SCNN1G: variants seen among roughly 807,000 people sequenced by gnomAD.
SCNN1G encodes sodium channel epithelial 1 subunit gamma, also known as epithelial sodium channel subunit gamma.
A neutral mutation model predicts 64.6 loss-of-function variants in SCNN1G; 27 were observed. That is an observed-to-expected ratio of 0.42 (90% CI 0.31 to 0.58). The LOEUF is 0.58. Among genes scored for constraint, SCNN1G ranks in the 20% least tolerant of loss-of-function variants. The pLI is 0.18. For synonymous variants in SCNN1G, 330 were observed against 314.2 expected (o/e 1.05, Z -0.53); for missense variants, 743 against 823.4 (o/e 0.90, Z 1.19).
chr16:23,197,470 T>A (rs756016849), intron 6 of SCNN1G, 43 bp downstream of exon 6: 24 of 1,570,264 alleles, frequency 1.5e-5, no homozygotes, highest in Admixed American at 1.5e-4. Context: ...AGAGAACAGA[T>A]CTTTTTTTTT....
chr16:23,213,044 G>C (rs1960105753), intron 10 of SCNN1G, 58 bp from the exon 11 acceptor site: 1 of 1,553,126 alleles, frequency 6.4e-7, no homozygotes. Flanking sequence ...CCTGAGGCGG[G>C]AGGCTGGCCC....
chr16:23,210,846 A>G (rs1960067392), intron 7 of SCNN1G, among the ~76,000 whole-genome samples: 1 of 152,136 alleles, frequency 6.6e-6, no homozygotes, highest in African/African-American at 2.4e-5. Flanking sequence ...AGCCTGGGCA[A>G]CATAGCAAGA....
intron 1 of SCNN1G, among the ~76,000 whole-genome samples, chr16:23,183,878 C>T (rs984924774): frequency 6.6e-6 from 1 of 152,162 alleles, no homozygotes; most frequent in Non-Finnish European, 1.5e-5. Flanking sequence ...GTGCAAATCC[C>T]AGCTCAGCCA....
chr16:23,208,634 G>T (rs76364026), intron 6 of SCNN1G, among the ~76,000 whole-genome samples: 2 of 90,750 alleles, frequency 2.2e-5, no homozygotes, highest in Admixed American at 1.4e-4. Context: ...TTCCCTTCCC[G>T]CCCTTCCTTC....
chr16:23,185,426 G>A (rs145894332), intron 1 of SCNN1G, among the ~76,000 whole-genome samples: 63 of 152,262 alleles, frequency 4.1e-4, no homozygotes, highest in African/African-American at 1.4e-3. Context: ...GCACATTGAT[G>A]AATGTGATAA....
Position 23,215,451 on chromosome 16 carries a change from G to C in SCNN1G, c.1932G>C (p.Gln644His). The change falls in exon 13 of 13, where the codon CAG becomes CAC. Residue 644 changes from glutamine (Q) to histidine (H), a missense_variant. By Grantham distance (24) the Gln-to-His change is conservative (BLOSUM62 0). Transcript: ENST00000300061. ...RAFSNQLTDT[Q>H]MLDEL is the part of the protein sequence containing the mutation. The stretch of plus-strand genomic sequence containing the variant: ...TTTCCAACCAGCTCACAGATACCCA[G>C]ATGCTGGATGAGCTCTGAGGCAGGG... The C allele has an allele frequency of 1.2e-6, 2 of 1,611,250 alleles. No individual in the cohort carries two copies. The highest frequency in any genetic ancestry group is 8.5e-7 in the Non-Finnish European group (1 of 1,180,028).
rs537079366 is a variant in SCNN1G, at chr16:23,214,150, A to G, written c.1494-562A>G. Among the ~76,000 whole-genome samples, 388 of 152,356 alleles carry G rather than the reference A, an allele frequency of 2.5e-3. 1 individual carries two copies. Among genetic ancestry groups the G allele is most frequent in the Non-Finnish European group, 3.4e-3 (232 of 68,038 alleles). On this transcript the variant is annotated intron_variant, in intron 11 of 12. Coordinates refer to ENST00000300061, the MANE Select transcript of SCNN1G (RefSeq NM_001039.4). ...AGTACTGGCTCAGCCAATTATTGAC[A>G]GCATAGTCTTGGACAAGTTCCTTAA...
intron 11 of SCNN1G, among the ~76,000 whole-genome samples, chr16:23,213,400 G>A (rs147232782): frequency 1.7e-3 from 260 of 152,016 alleles, no homozygotes; most frequent in African/African-American, 5.6e-3. Context: ...TTATAGGTGC[G>A]CAACATCACA....
chr16:23,191,191 C>T (rs1216224501), intron 3 of SCNN1G, among the ~76,000 whole-genome samples: 1 of 152,042 alleles, frequency 6.6e-6, no homozygotes. Flanking sequence ...AATTCTAGTA[C>T]CTTCCTGGGC....
intron 6 of SCNN1G, among the ~76,000 whole-genome samples, chr16:23,201,118 A>C (rs1959881855): frequency 6.6e-6 from 1 of 152,258 alleles, no homozygotes; most frequent in Non-Finnish European, 1.5e-5. Context: ...CCACTTAAGC[A>C]GCTGGGCAAC....
In SCNN1G at chr16:23,192,369, C is replaced by T. The variant is rs5739; in HGVS notation, c.636C>T (p.Ser212=). Residue 212 remains serine (S), a synonymous_variant, in exon 4 of 13, where the codon TCC becomes TCT. Transcript: ENST00000300061. ...ATTCACAGTGCTCAAATGACACCTC[C>T]GACTGTGCCACCTACACCTTCAGCT... ...VGFQLCSNDT[S]DCATYTFSSG... 34,288 of 1,613,838 alleles carry T rather than the reference C, an allele frequency of 0.021. 487 individuals carry two copies. Among genetic ancestry groups the T allele is most frequent in the Middle Eastern group, 0.04 (242 of 6,044 alleles).
chr16:23,214,232 C>A (rs1960124830), intron 11 of SCNN1G, among the ~76,000 whole-genome samples: 1 of 152,204 alleles, frequency 6.6e-6, no homozygotes, highest in South Asian at 2.1e-4. Flanking sequence ...AATATACATA[C>A]CTGCCTCATA....
chr16:23,183,742 T>A (rs892325450), intron 1 of SCNN1G, among the ~76,000 whole-genome samples: 6 of 152,092 alleles, frequency 3.9e-5, no homozygotes, highest in African/African-American at 1.4e-4. Flanking sequence ...AAGGACTGAG[T>A]GGGATGCCTG....
intron 2 of SCNN1G, 40 bp from the exon 3 acceptor site, chr16:23,189,331 C>A: frequency 6.2e-7 from 1 of 1,601,882 alleles, no homozygotes; most frequent in Non-Finnish European, 8.5e-7. Flanking sequence ...CTGCCAGGGC[C>A]GCCTCCCCTC....
In SCNN1G at chr16:23,194,299, T is replaced by C. The variant is rs1285006735; in HGVS notation, c.913+25T>C. 4 of 1,483,372 alleles carry C rather than the reference T, an allele frequency of 2.7e-6. No homozygotes were observed. In the African/African-American group the frequency reaches 4.2e-5, roughly 15 times the overall value. 91.9% of individuals were successfully genotyped at this position (1,483,372 alleles called of 1,614,324 possible). ...GGTAAGGAAACCTGTGCCAAGGAGA[T>C]CTTGAGGCCCTCCAATAGTGGACAT... On this transcript the variant is annotated intron_variant, in intron 5 of 12. Transcript: ENST00000300061.
Position 23,216,635 on chromosome 16 carries a change from T to G in SCNN1G, c.*1166T>G, listed in dbSNP as rs1455572092. On this transcript the variant is annotated 3_prime_UTR_variant, in exon 13 of 13. Transcript: ENST00000300061. Reference sequence around the variant, plus strand: ...GAACTAAGAATTTTATTTTATTTTATTTTTTATTTTTTGTAGAAATAGGAT... The same window carrying G: ...GAACTAAGAATTTTATTTTATTTTAGTTTTTATTTTTTGTAGAAATAGGAT... 6.6e-6 allele frequency: 1 copy of G among 152,196 alleles called. No individual in the cohort carries two copies. Among genetic ancestry groups the G allele is most frequent in the African/African-American group, 2.4e-5 (1 of 41,450 alleles). 9.4% of individuals were successfully genotyped at this position (152,196 alleles called of 1,614,324 possible).
intron 1 of SCNN1G, among the ~76,000 whole-genome samples, chr16:23,183,196 G>T (rs1023785282): frequency 6.6e-6 from 1 of 152,234 alleles, no homozygotes; most frequent in Non-Finnish European, 1.5e-5. Context: ...GGGGTGACTT[G>T]GTGCAGAAAG....
rs373976756 is a variant in SCNN1G, at chr16:23,186,359, C to G, written c.88C>G (p.Arg30Gly). The change falls in exon 2 of 13, where the codon CGG becomes GGG. Residue 30 changes from arginine (R) to glycine (G), a missense_variant. Transcript: ENST00000300061. ...PQAPTIKELM[R>G]WYCLNTNTHG... The stretch of plus-strand genomic sequence containing the variant: ...GGCGCCGACCATTAAAGAGCTGATG[C>G]GGTGGTACTGCCTCAACACCAACAC... 4.3e-6 allele frequency: 7 copies of G among 1,614,224 alleles called. No individual in the cohort carries two copies. Among genetic ancestry groups the G allele is most frequent in the African/African-American group, 1.3e-5 (1 of 75,070 alleles).
intron 6 of SCNN1G, among the ~76,000 whole-genome samples, chr16:23,208,167 A>G (rs917065040): frequency 3.9e-5 from 6 of 152,288 alleles, no homozygotes; most frequent in South Asian, 2.1e-4. Flanking sequence ...AGCTAGAGCA[A>G]AATTTAGTAA....
Sources: allele counts gnomAD v4.1 joint callset (sites outside exome capture counted in the v4.1 genomes callset), GRCh38; gene constraint gnomAD v4.1.1; transcripts MANE v1.5; gene names NCBI Gene and HGNC (gene_info 2026-07-23, HGNC 2026-07-21).